Variants in PCNX2 observed in about 807,000 individuals in gnomAD.
The protein encoded by PCNX2 is pecanex-like protein 2.
PCNX2 carries 168 observed loss-of-function variants against 223.8 expected under a neutral mutation model. The observed-to-expected ratio is 0.75, with a 90% CI of 0.66 to 0.85. PCNX2 has a LOEUF of 0.85. Ranked by LOEUF, PCNX2 falls within the 40% of genes least tolerant of loss-of-function variation. The pLI is 0.00. For missense variants in PCNX2, 2,507 were observed against 2,675.5 expected, an observed-to-expected ratio of 0.94 and a Z score of 1.39; for synonymous variants, 1,006 against 1,052.6, an observed-to-expected ratio of 0.96 and a Z score of 0.86.
intron 1 of PCNX2, among the ~76,000 whole-genome samples, chr1:233,275,663 C>T (rs1168162881): frequency 6.6e-6 from 1 of 152,130 alleles, no homozygotes; most frequent in African/African-American, 2.4e-5. Context: ...TTTGGGTATA[C>T]ATGCAAAAGA....
intron 10 of PCNX2, among the ~76,000 whole-genome samples, chr1:233,223,460 A>G (rs1401380656): frequency 6.6e-6 from 1 of 152,108 alleles, no homozygotes; most frequent in Non-Finnish European, 1.5e-5. Context: ...TTTTTAAAAA[A>G]ATACTTTAAG....
chr1:232,985,966 C>A, intron 33 of PCNX2, 126 bp downstream of exon 33: 1 of 1,030,280 alleles, frequency 9.7e-7, no homozygotes, highest in Admixed American at 2.0e-5. Context: ...ACTCTGGGAG[C>A]CCCATAGAGA....
chr1:233,267,275 C>T (rs554805164), intron 1 of PCNX2, among the ~76,000 whole-genome samples: 12 of 123,862 alleles, frequency 9.7e-5, no homozygotes, highest in East Asian at 2.1e-4. Context: ...CAAGATCGCA[C>T]GCACCATTGC....
chr1:233,235,012 C>T (rs564917207), intron 9 of PCNX2, among the ~76,000 whole-genome samples: 3 of 152,110 alleles, frequency 2.0e-5, no homozygotes, highest in African/African-American at 7.2e-5. Context: ...TCCAGCACCT[C>T]ACCCAAACCA....
intron 28 of PCNX2, among the ~76,000 whole-genome samples, chr1:233,003,889 A>T (rs1670182900): frequency 6.6e-6 from 1 of 152,194 alleles, no homozygotes; most frequent in Non-Finnish European, 1.5e-5. Flanking sequence ...ATTCTCAACA[A>T]AGTAACACAA....
Position 233,192,994 on chromosome 1 carries a change from TATATA to T in PCNX2, c.3066+5940_3066+5944del, listed in dbSNP as rs1413074760. Among the ~76,000 whole-genome samples the T allele has an allele frequency of 1.2e-4, 17 of 147,534 alleles. No individual in the cohort carries two copies. In the South Asian group the frequency reaches 3.6e-3, roughly 31 times the overall value. ...TTAATTTGCATTTATTATTTAGACT[TATATA>T]TTATATATAATTATATATTATTTTA... On this transcript the variant is annotated intron_variant, in intron 15 of 33. Coordinates refer to ENST00000258229, the MANE Select transcript of PCNX2 (RefSeq NM_014801.4).
intron 17 of PCNX2, among the ~76,000 whole-genome samples, chr1:233,162,170 C>A (rs1249136365): frequency 6.6e-6 from 1 of 152,082 alleles, no homozygotes; most frequent in Non-Finnish European, 1.5e-5. Context: ...GCTGTGAATG[C>A]AGATAGATGG....
chr1:233,257,790 G>A (rs982907628), intron 5 of PCNX2, among the ~76,000 whole-genome samples: 1 of 152,108 alleles, frequency 6.6e-6, no homozygotes, highest in Non-Finnish European at 1.5e-5. Context: ...CTATAGGGAA[G>A]CAAAAAAATT....
chr1:233,108,755 A>T (rs1477220698), intron 21 of PCNX2, among the ~76,000 whole-genome samples: 1 of 151,794 alleles, frequency 6.6e-6, no homozygotes, highest in Non-Finnish European at 1.5e-5. Flanking sequence ...AAAATGAGAA[A>T]CTCTCCTTCT....
At chr1:233,058,666 T>TTG (rs1672283995) in intron 23 of PCNX2, 2 of 64,566 alleles carry the variant, frequency 3.1e-5, no homozygotes, top group South Asian at 7.1e-4. Context: ...TTTTCTTTTC[T>TTG]TTTTTTTTTT....
Position 233,200,917 on chromosome 1 carries a change from T to A in PCNX2, c.2864-653A>T, listed in dbSNP as rs571794064. 6.7e-5 allele frequency among the ~76,000 whole-genome samples: 10 copies of A among 149,722 alleles called. No homozygotes were observed. The East Asian group carries it at 2.0e-3, about 30-fold the overall frequency. On this transcript the variant is annotated intron_variant, in intron 13 of 33. Coordinates refer to ENST00000258229, the MANE Select transcript of PCNX2 (RefSeq NM_014801.4). ...GGCGGGCGCCTGTAGTCCCAGCTAC[T>A]CGGGAGGCTGAGGCAGGAGAATGGC...
At chr1:233,094,995 C>T (rs1674073551) in intron 22 of PCNX2, among the ~76,000 whole-genome samples, 1 of 152,180 alleles carries the variant, frequency 6.6e-6, no homozygotes, top group Non-Finnish European at 1.5e-5. Flanking sequence ...ACTCTAAATT[C>T]ACTGGGAAGG....
intron 25 of PCNX2, among the ~76,000 whole-genome samples, chr1:233,047,637 C>T (rs1284563826): frequency 6.6e-6 from 1 of 152,114 alleles, no homozygotes; most frequent in East Asian, 1.9e-4. Flanking sequence ...ATAAAGTGTT[C>T]AATTCAACAA....
intron 32 of PCNX2, among the ~76,000 whole-genome samples, chr1:232,997,952 C>T (rs970373139): frequency 2.0e-4 from 30 of 152,238 alleles, no homozygotes; most frequent in East Asian, 5.8e-4. Context: ...CACCATCAAA[C>T]GGTCATAGAG....
chr1:233,091,251 G>A (rs1156403729), intron 22 of PCNX2, among the ~76,000 whole-genome samples: 1 of 152,088 alleles, frequency 6.6e-6, no homozygotes, highest in Non-Finnish European at 1.5e-5. Context: ...CTTCCTGCTG[G>A]GAAGTTGTTG....
intron 1 of PCNX2, chr1:233,290,959 C>G: frequency 3.0e-6 from 3 of 985,384 alleles, no homozygotes; most frequent in Non-Finnish European, 3.6e-6. Flanking sequence ...TGTGAAAGTT[C>G]CAACCCATTC....
At chr1:233,227,620 G>A (rs897473175) in intron 9 of PCNX2, among the ~76,000 whole-genome samples, 11 of 151,968 alleles carry the variant, frequency 7.2e-5, no homozygotes, top group East Asian at 5.8e-4. Flanking sequence ...TCTTTACAAC[G>A]TACCATTAAA....
intron 15 of PCNX2, among the ~76,000 whole-genome samples, chr1:233,190,304 T>C (rs1216724640): frequency 6.6e-6 from 1 of 151,958 alleles, no homozygotes; most frequent in Non-Finnish European, 1.5e-5. Flanking sequence ...CGGCTCTGGG[T>C]AAGTGGGAGT....
In PCNX2 at chr1:233,090,165, C is replaced by A. The variant is rs753991690; in HGVS notation, c.3972G>T (p.Thr1324=). Reference sequence around the variant, plus strand: ...GGGTAGAAAAGATTGATGTGGCAATCGTCTGAAAGAAAAGCATGGCAGAAT... The same window carrying A: ...GGGTAGAAAAGATTGATGTGGCAATAGTCTGAAAGAAAAGCATGGCAGAAT... ...IPHSAMLFFQ[T]IATSIFSTPL... Residue 1324 remains threonine, a synonymous_variant, in exon 23 of 34, where the codon ACG becomes ACT. Transcript: ENST00000258229. The A allele has an allele frequency of 1.2e-6, 2 of 1,613,008 alleles. No individual in the cohort carries two copies. Among genetic ancestry groups the A allele is most frequent in the South Asian group, 2.2e-5 (2 of 90,890 alleles).
Sources: gnomAD v4.1 joint callset for allele counts (sites outside exome capture counted in the v4.1 genomes callset) on GRCh38, gnomAD v4.1.1 for gene constraint, MANE v1.5 for transcripts, NCBI Gene and HGNC (gene_info 2026-07-23, HGNC 2026-07-21) for gene names.